Variants in HOXC4 observed in about 807,000 individuals in gnomAD.
HOXC4 encodes the protein homeobox protein Hox-C4.
A neutral mutation model predicts 25.5 loss-of-function variants in HOXC4; 15 were observed. That is an observed-to-expected ratio of 0.59 (90% CI 0.39 to 0.91). The LOEUF (loss-of-function observed/expected upper bound fraction) is 0.91. HOXC4 is among the 40% of genes least tolerant of loss of function. HOXC4 has a pLI of 0.00. For synonymous variants in HOXC4, 165 were observed against 148.0 expected, an observed-to-expected ratio of 1.11 and a Z score of -0.83; for missense variants, 342 against 352.4, an observed-to-expected ratio of 0.97 and a Z score of 0.24.
chr12:54,054,346 A>G lies in HOXC4; in HGVS notation c.424A>G (p.Ile142Val), dbSNP rs1937921220. 6.4e-7 allele frequency: 1 copy of G among 1,562,780 alleles called. No homozygotes were observed. Among genetic ancestry groups the G allele is most frequent in the Non-Finnish European group, 8.6e-7 (1 of 1,156,758 alleles). ...QPIVYPWMKK[I>V]HVSTVNPNYN... ...CATAGTCTACCCATGGATGAAAAAA[A>G]TTCACGTTAGCACGGGTAGGCAACT... Residue 142 changes from isoleucine (I) to valine (V), a missense_variant, in exon 1 of 2, where the codon ATT (isoleucine) becomes GTT (valine). Transcript: ENST00000430889.
At chr12:54,040,312 CACCA>C (rs951913655) in intron 1 of HOXC4, among the ~76,000 whole-genome samples, 1 of 152,174 alleles carries the variant, frequency 6.6e-6, no homozygotes, top group Non-Finnish European at 1.5e-5. Flanking sequence ...ACATGGTCCC[CACCA>C]ACCAATCAGC....
intron 1 of HOXC4, among the ~76,000 whole-genome samples, chr12:54,037,267 G>A (rs1414455027): frequency 1.3e-5 from 2 of 152,214 alleles, no homozygotes; most frequent in Non-Finnish European, 2.9e-5. Flanking sequence ...TTCTGCTTTG[G>A]GGCCTGGGGT....
At chr12:54,033,947 C>T in intron 1 of HOXC4, 1 of 482,958 alleles carries the variant, frequency 2.1e-6, no homozygotes, top group East Asian at 4.8e-5. Context: ...AGGATTCCAG[C>T]GACTCGGGAG....
rs1462173979 is a variant in HOXC4, at chr12:54,055,446, C to G, written c.*241C>G. 5.7e-6 allele frequency: 1 copy of G among 175,016 alleles called. No homozygotes were observed. The highest frequency in any genetic ancestry group is 6.2e-5 in the Admixed American group (1 of 16,112). 10.8% of individuals were successfully genotyped at this position (175,016 alleles called of 1,614,324 possible). A position where few individuals can be genotyped will look rare whatever the true frequency, so the allele number is the denominator to read the frequency against. On this transcript the variant is annotated 3_prime_UTR_variant, in exon 2 of 2. Coordinates refer to ENST00000430889, the MANE Select transcript of HOXC4 (RefSeq NM_153633.3). ...TTTTAAGCATGTGATGTTGTCTTAG[C>G]ATGGTACCTGCTGGGTGTTTTTTTT... is the stretch of plus-strand genomic sequence containing the variant.
At chr12:54,041,962 CT>C (rs1376895283) in intron 1 of HOXC4, among the ~76,000 whole-genome samples, 1 of 137,454 alleles carries the variant, frequency 7.3e-6, no homozygotes, top group East Asian at 2.2e-4. Flanking sequence ...CGCGCCCAGC[CT>C]TTTCTTTTCT....
chr12:54,017,359 G>T (rs1326168673), exon 1 of HOXC4: 1 of 152,248 alleles, frequency 6.6e-6, no homozygotes, highest in Non-Finnish European at 1.5e-5. Flanking sequence ...AGACGAGAAA[G>T]AGAGTGGGAG....
At chr12:54,054,454 C>G (rs1937925547) in intron 1 of HOXC4, 93 bp downstream of exon 1, 1 of 785,304 alleles carries the variant, frequency 1.3e-6, no homozygotes, top group African/African-American at 1.9e-5. Flanking sequence ...GTCCTCCTTT[C>G]TCTCCTTCCC....
At position 54,055,431 on chromosome 12, in the gene HOXC4, G is replaced by T. The variant is rs899416598; in HGVS notation, c.*226G>T. ...CACTGTTAAGGACCCTTTTAAGCAT[G>T]TGATGTTGTCTTAGCATGGTACCTG... On this transcript the variant is annotated 3_prime_UTR_variant, in exon 2 of 2. Transcript: ENST00000430889. 8.2e-5 allele frequency: 15 copies of T among 182,208 alleles called. No individual in the cohort carries two copies. Among genetic ancestry groups the T allele is most frequent in the Non-Finnish European group, 1.7e-4 (15 of 89,668 alleles). 11.3% of individuals were successfully genotyped at this position (182,208 alleles called of 1,614,324 possible).
intron 1 of HOXC4, among the ~76,000 whole-genome samples, chr12:54,028,043 G>A (rs190411608): frequency 2.6e-5 from 4 of 152,254 alleles, no homozygotes; most frequent in African/African-American, 7.2e-5. Context: ...GGAGAAATCA[G>A]GATGTAATTT....
chr12:54,023,582 C>A (rs1940544822), intron 1 of HOXC4, among the ~76,000 whole-genome samples: 1 of 152,224 alleles, frequency 6.6e-6, no homozygotes. Context: ...CAGTTCTCAG[C>A]AGCTTAACAT....
chr12:54,037,274 G>A (rs899559295), intron 1 of HOXC4, among the ~76,000 whole-genome samples: 1 of 152,190 alleles, frequency 6.6e-6, no homozygotes, highest in African/African-American at 2.4e-5. Context: ...TTGGGGCCTG[G>A]GGTAGTTTCC....
intron 1 of HOXC4, chr12:54,034,260 GTGGGGTT>G (rs767750193): frequency 3.1e-6 from 5 of 1,606,738 alleles, no homozygotes; most frequent in Non-Finnish European, 4.3e-6. Flanking sequence ...CTGGCTTGGG[GTGGGGTT>G]TATGTTCCAG....
chr12:54,037,598 A>G (rs1941207970), intron 1 of HOXC4, among the ~76,000 whole-genome samples: 1 of 152,036 alleles, frequency 6.6e-6, no homozygotes, highest in Non-Finnish European at 1.5e-5. Context: ...TAAGTAAATA[A>G]ATAAATAAGG....
intron 1 of HOXC4, among the ~76,000 whole-genome samples, chr12:54,047,483 A>AT (rs2136461577): frequency 6.6e-6 from 1 of 152,332 alleles, no homozygotes; most frequent in East Asian, 1.9e-4. Context: ...CCGCCTGTAA[A>AT]TTACAGCCCG....
chr12:54,030,561 C>T (rs1418935569), intron 1 of HOXC4: 1 of 152,556 alleles, frequency 6.6e-6, no homozygotes, highest in Non-Finnish European at 1.5e-5. Flanking sequence ...GTGACCGTTT[C>T]TGTGTGAAGA....
chr12:54,050,462 A>G (rs1391228248), upstream of HOXC4, among the ~76,000 whole-genome samples: 1 of 152,224 alleles, frequency 6.6e-6, no homozygotes, highest in African/African-American at 2.4e-5. Flanking sequence ...CCCCTGGGCC[A>G]GCAAGGCGGG....
At chr12:54,019,061 C>A (rs1312976983) in intron 1 of HOXC4, among the ~76,000 whole-genome samples, 1 of 151,466 alleles carries the variant, frequency 6.6e-6, no homozygotes, top group African/African-American at 2.4e-5. Context: ...CCCCTCCCCC[C>A]ACAACCCCCT....
intron 1 of HOXC4, chr12:54,029,805 A>G (rs1251570174): frequency 6.2e-7 from 1 of 1,614,106 alleles, no homozygotes. Flanking sequence ...ACCGAGCGAC[A>G]GATCAAAATC....
At chr12:54,030,127 C>A (rs1940926902) in intron 1 of HOXC4, 2 of 636,642 alleles carry the variant, frequency 3.1e-6, no homozygotes, top group Non-Finnish European at 5.3e-6. Flanking sequence ...TCTGGACCCC[C>A]TCCCTCACCG....
Sources: gnomAD v4.1 joint callset for allele counts (sites outside exome capture counted in the v4.1 genomes callset) on GRCh38, gnomAD v4.1.1 for gene constraint, MANE v1.5 for transcripts, NCBI Gene and HGNC (gene_info 2026-07-23, HGNC 2026-07-21) for gene names.